The following STARD13 variants were observed in gnomAD, a reference collection of about 807,000 sequenced individuals.
The protein encoded by STARD13 is stAR-related lipid transfer protein 13.
A neutral mutation model predicts 106.4 loss-of-function variants in STARD13; 62 were observed. That is an observed-to-expected ratio of 0.58 (90% confidence interval 0.48 to 0.72). The LOEUF (loss-of-function observed/expected upper bound fraction) is 0.72. Among genes scored for constraint, STARD13 ranks in the 30% least tolerant of loss-of-function variants. The pLI is 0.00. For missense variants in STARD13, 1,387 were observed against 1,424.0 expected, an observed-to-expected ratio of 0.97 and a Z score of 0.42; for synonymous variants, 565 against 553.0, an observed-to-expected ratio of 1.02 and a Z score of -0.31.
At chr13:33,381,267 AT>A in the STARD13 span, among the ~76,000 whole-genome samples, 1 of 152,140 alleles carries the variant, frequency 6.6e-6, no homozygotes, top group African/African-American at 2.4e-5. Flanking sequence ...CATTAAATTT[AT>A]TTAACCATTG....
At chr13:33,231,319 T>C (rs1217046284) in intron 1 of STARD13, among the ~76,000 whole-genome samples, 1 of 152,190 alleles carries the variant, frequency 6.6e-6, no homozygotes, top group Non-Finnish European at 1.5e-5. Flanking sequence ...CACTGTGCCA[T>C]ACATTGCACA....
the STARD13 span, among the ~76,000 whole-genome samples, chr13:33,497,172 C>A: frequency 6.6e-6 from 1 of 152,096 alleles, no homozygotes; most frequent in African/African-American, 2.4e-5. Flanking sequence ...AATCATTAAT[C>A]TAATTACCAT....
chr13:33,600,613 T>C, the STARD13 span, among the ~76,000 whole-genome samples: 2 of 152,216 alleles, frequency 1.3e-5, no homozygotes, highest in South Asian at 4.1e-4. Context: ...ATTCAATTTG[T>C]TAATATTTCT....
At position 33,118,077 on chromosome 13, in the gene STARD13, G is replaced by C; in HGVS notation, c.2269C>G (p.His757Asp). ...TATTTCCACTTACACTGATAGATAT[G>C]GAGAAAGGTCTCACTGAGCTTGTTG... ...FTNKLSETFL[H>D]IYQYVSKEQR... The change falls in exon 8 of 14, where the codon CAT (histidine) becomes GAT (aspartate). Residue 757 changes from histidine to aspartate, a missense_variant. Transcript: ENST00000336934. 6.2e-7 allele frequency: 1 copy of C among 1,614,188 alleles called. No homozygotes were observed. Among genetic ancestry groups the C allele is most frequent in the Non-Finnish European group, 8.5e-7 (1 of 1,180,032 alleles).
At chr13:33,347,517 G>A (rs1263873903), downstream of STARD13, among the ~76,000 whole-genome samples, 1 of 152,194 alleles carries the variant, frequency 6.6e-6, no homozygotes, top group African/African-American at 2.4e-5. Flanking sequence ...AAAGTGCTGA[G>A]ATTACAGGCA....
At chr13:33,592,630 T>C in the STARD13 span, among the ~76,000 whole-genome samples, 121 of 151,774 alleles carry the variant, frequency 8.0e-4, 1 homozygote, top group African/African-American at 2.8e-3. Context: ...AAAAAAAGTC[T>C]TTTATTTTAT....
At chr13:33,566,887 A>G in the STARD13 span, among the ~76,000 whole-genome samples, 2 of 147,924 alleles carry the variant, frequency 1.4e-5, no homozygotes, top group Admixed American at 7.0e-5. Context: ...ACTATATTAC[A>G]TAGGTTCTAG....
intron 1 of STARD13, among the ~76,000 whole-genome samples, chr13:33,200,645 C>A (rs1289175038): frequency 6.6e-6 from 1 of 152,210 alleles, no homozygotes; most frequent in Non-Finnish European, 1.5e-5. Context: ...ACCTTTTAAA[C>A]AGTGAACTCT....
chr13:33,250,045 C>T (rs9536878), intron 1 of STARD13, among the ~76,000 whole-genome samples: 60,560 of 151,736 alleles, frequency 0.4, 12,352 homozygotes, highest in Admixed American at 0.46. Context: ...CCCGTCTCAG[C>T]CTTCCAAGTG....
the STARD13 span, among the ~76,000 whole-genome samples, chr13:33,630,734 A>C: frequency 2.6e-5 from 4 of 152,200 alleles, no homozygotes; most frequent in Non-Finnish European, 5.9e-5. Flanking sequence ...CGGTAGAGCC[A>C]CCTACTGAAA....
chr13:33,369,650 C>T, the STARD13 span, among the ~76,000 whole-genome samples: 1 of 152,062 alleles, frequency 6.6e-6, no homozygotes, highest in Non-Finnish European at 1.5e-5. Context: ...TGAAAGCTCA[C>T]TTTCTACTTG....
intron 1 of STARD13, among the ~76,000 whole-genome samples, chr13:33,241,933 A>C (rs370538147): frequency 6.6e-6 from 1 of 152,180 alleles, no homozygotes; most frequent in Non-Finnish European, 1.5e-5. Context: ...CCCAAAGTGC[A>C]GAGATTGCAG....
the STARD13 span, among the ~76,000 whole-genome samples, chr13:33,625,681 G>T: frequency 2.0e-5 from 3 of 152,008 alleles, no homozygotes; most frequent in Non-Finnish European, 4.4e-5. Flanking sequence ...AATTCTCTTG[G>T]TTAGAAAGAG....
intron 1 of STARD13, among the ~76,000 whole-genome samples, chr13:33,248,483 T>C (rs1889940933): frequency 6.6e-6 from 1 of 152,272 alleles, no homozygotes; most frequent in African/African-American, 2.4e-5. Flanking sequence ...ATTTGTGAGC[T>C]GTAGCTTCCA....
At chr13:33,455,218 C>G in the STARD13 span, among the ~76,000 whole-genome samples, 1 of 152,200 alleles carries the variant, frequency 6.6e-6, no homozygotes, top group African/African-American at 2.4e-5. Context: ...TGAGAGCAGA[C>G]ACAAGCCTCA....
At chr13:33,256,329 A>T in intron 1 of STARD13, among the ~76,000 whole-genome samples, 1 of 152,184 alleles carries the variant, frequency 6.6e-6, no homozygotes, top group African/African-American at 2.4e-5. Flanking sequence ...GGTGACTAAG[A>T]GGCTGCTCCT....
the STARD13 span, among the ~76,000 whole-genome samples, chr13:33,552,209 G>A: frequency 6.6e-6 from 1 of 152,002 alleles, no homozygotes; most frequent in Non-Finnish European, 1.5e-5. Flanking sequence ...CCCCAATCTC[G>A]ATAATTGATG....
chr13:33,370,849 G>T, the STARD13 span, among the ~76,000 whole-genome samples: 26 of 151,882 alleles, frequency 1.7e-4, no homozygotes, highest in Admixed American at 3.3e-4. Flanking sequence ...TTGAACTCCT[G>T]ACCTCAGGTG....
At chr13:33,457,032 A>G in the STARD13 span, among the ~76,000 whole-genome samples, 3 of 152,256 alleles carry the variant, frequency 2.0e-5, no homozygotes, top group Admixed American at 6.5e-5. Context: ...AAGGAACTAA[A>G]AGATTTGGTG....
Sources: allele counts gnomAD v4.1 joint callset (sites outside exome capture counted in the v4.1 genomes callset), GRCh38; gene constraint gnomAD v4.1.1; transcripts MANE v1.5; gene names NCBI Gene and HGNC (gene_info 2026-07-23, HGNC 2026-07-21).